The following DDX42 variants were observed in gnomAD, a reference collection of about 807,000 sequenced individuals.
DDX42 encodes the protein DEAD-box helicase 42.
Under a neutral mutation model 101.5 loss-of-function variants are expected in DDX42, and 22 were observed. The observed-to-expected ratio is 0.22, with a 90% CI of 0.15 to 0.31. The LOEUF (loss-of-function observed/expected upper bound fraction) is 0.31. Ranked by LOEUF, DDX42 falls within the 10% of genes least tolerant of loss-of-function variation. DDX42 has a pLI of 1.00. For synonymous variants in DDX42, 402 were observed against 401.2 expected (o/e 1.00, Z -0.02); for missense variants, 849 against 1,199.9 (o/e 0.71, Z 4.32).
At chr17:63,797,824 T>C (rs1193102965) in intron 3 of DDX42, among the ~76,000 whole-genome samples, 1 of 152,254 alleles carries the variant, frequency 6.6e-6, no homozygotes, top group Non-Finnish European at 1.5e-5. Flanking sequence ...TGGCACATTA[T>C]TACAGATAAA....
Position 63,811,258 on chromosome 17 carries a change from T to TA in DDX42, c.1398+95dup, listed in dbSNP as rs941826995. Reference sequence around the variant, plus strand: ...CAGAATTAATTTCTCACTATTGAGATAAAAAAAAAAGATGTTATGTTTATA... The same window carrying TA: ...CAGAATTAATTTCTCACTATTGAGATAAAAAAAAAAAGATGTTATGTTTATA... On this transcript the variant is annotated intron_variant, in intron 13 of 17. Transcript: ENST00000389924. 9.9e-3 allele frequency: 9,053 copies of TA among 915,470 alleles called. 4 individuals are homozygous for TA. The highest frequency in any genetic ancestry group is 0.018 in the African/African-American group (1,030 of 56,876). 56.7% of individuals were successfully genotyped at this position (915,470 alleles called of 1,614,324 possible). A position where few individuals can be genotyped will look rare whatever the true frequency, so the allele number is the denominator to read the frequency against.
rs1349914196 is a variant in DDX42, at chr17:63,810,566, T to C, written c.1300+6T>C. 3 of 1,614,060 alleles carry C rather than the reference T, an allele frequency of 1.9e-6. No individual in the cohort carries two copies. The highest frequency in any genetic ancestry group is 2.5e-6 in the Non-Finnish European group (3 of 1,179,982). ...TGTTCGTCCTGACAGGCAGAGTATGTATGAAGCACCTTTGTTAAACCAAAT... is the reference window on the plus strand; with the variant it reads ...TGTTCGTCCTGACAGGCAGAGTATGCATGAAGCACCTTTGTTAAACCAAAT... On this transcript the variant is annotated splice_donor_region_variant and intron_variant, in intron 12 of 17. Transcript: ENST00000389924.
intron 3 of DDX42, among the ~76,000 whole-genome samples, chr17:63,797,352 CAAAAA>C (rs59892636): frequency 2.0e-5 from 2 of 100,048 alleles, no homozygotes; most frequent in African/African-American, 3.7e-5. Context: ...AACTCCATCT[CAAAAA>C]AAAAAAAAAA....
rs183903319 is a variant in DDX42 at position 63,811,915 on chromosome 17, C to G, written c.1399-17C>G. On this transcript the variant is annotated splice_polypyrimidine_tract_variant and intron_variant, in intron 13 of 17. Coordinates refer to ENST00000389924, the MANE Select transcript of DDX42 (RefSeq NM_203499.3). ...GCTCCAATGTCACAATCATCTGTTTCATTTCTTCCTTCTCAGGCAAATGAA... is the reference window on the plus strand; with the variant it reads ...GCTCCAATGTCACAATCATCTGTTTGATTTCTTCCTTCTCAGGCAAATGAA... The G allele has an allele frequency of 3.0e-5, 49 of 1,614,178 alleles. 1 individual carries two copies. In the South Asian group the frequency reaches 3.8e-4, roughly 13 times the overall value.
In DDX42 at chr17:63,813,414, A is replaced by G. The variant is rs1184003986; in HGVS notation, c.1862A>G (p.Asn621Ser). Residue 621 changes from asparagine to serine, a missense_variant, in exon 15 of 18, where the codon AAT becomes AGT. Coordinates refer to ENST00000389924, the MANE Select transcript of DDX42 (RefSeq NM_203499.3). ...GDLVRNLEGA[N>S]QHVSKELLDL... Reference sequence around the variant, plus strand: ...CTGGTCCGGAACTTGGAAGGAGCCAATCAACACGTTTCTAAGGAACTCCTA... The same window carrying G: ...CTGGTCCGGAACTTGGAAGGAGCCAGTCAACACGTTTCTAAGGAACTCCTA... 4.3e-6 allele frequency: 7 copies of G among 1,614,158 alleles called. No homozygotes were observed. The highest frequency in any genetic ancestry group is 2.2e-5 in the East Asian group (1 of 44,874).
intron 6 of DDX42, among the ~76,000 whole-genome samples, 193 bp downstream of exon 6, chr17:63,800,810 A>G (rs1205688029): frequency 2.0e-5 from 3 of 152,230 alleles, no homozygotes; most frequent in African/African-American, 7.2e-5. Flanking sequence ...TAACCAAATC[A>G]CTTACATTTG....
At chr17:63,793,100 T>A (rs969157157) in intron 3 of DDX42, among the ~76,000 whole-genome samples, 4 of 152,208 alleles carry the variant, frequency 2.6e-5, no homozygotes, top group African/African-American at 9.6e-5. Context: ...GTTTTCTTGC[T>A]ATTTTTATTG....
intron 2 of DDX42, among the ~76,000 whole-genome samples, chr17:63,790,187 G>T (rs1205658825): frequency 6.6e-6 from 1 of 152,088 alleles, no homozygotes; most frequent in Non-Finnish European, 1.5e-5. Flanking sequence ...CTATATGAAT[G>T]AATATGCATG....
At position 63,809,616 on chromosome 17, in the gene DDX42, C is replaced by T; in HGVS notation, c.1209C>T (p.Tyr403=). The part of the protein sequence containing the change: ...KKATNLQRVS[Y]LVFDEADRMF... Reference sequence around the variant, plus strand: ...CTACCAATCTTCAAAGAGTCTCTTACCTTGTGTTTGATGAAGCAGATCGAA... The same window carrying T: ...CTACCAATCTTCAAAGAGTCTCTTATCTTGTGTTTGATGAAGCAGATCGAA... Residue 403 remains tyrosine (Y), a synonymous_variant, in exon 11 of 18, where the codon TAC becomes TAT. Coordinates refer to ENST00000389924, the MANE Select transcript of DDX42 (RefSeq NM_203499.3). The T allele has an allele frequency of 1.2e-6, 2 of 1,614,068 alleles. No individual in the cohort carries two copies. Among genetic ancestry groups the T allele is most frequent in the Non-Finnish European group, 1.7e-6 (2 of 1,179,984 alleles).
intron 1 of DDX42, among the ~76,000 whole-genome samples, chr17:63,785,959 CATAT>C (rs1379357620): frequency 6.6e-6 from 1 of 152,212 alleles, no homozygotes; most frequent in Non-Finnish European, 1.5e-5. Flanking sequence ...CTCAGTCTTT[CATAT>C]AAGGATGAAG....
At chr17:63,803,282 T>G (rs1479422419) in intron 6 of DDX42, among the ~76,000 whole-genome samples, 2 of 152,066 alleles carry the variant, frequency 1.3e-5, no homozygotes, top group South Asian at 4.1e-4. Flanking sequence ...CAAGTTTTAG[T>G]GTAAAATAAA....
chr17:63,813,568 G>A, intron 15 of DDX42, 114 bp downstream of exon 15: 1 of 877,244 alleles, frequency 1.1e-6, no homozygotes, highest in Non-Finnish European at 1.8e-6. Flanking sequence ...CTAGGAGGAT[G>A]TGGGGCTTAT....
chr17:63,774,279 A>G lies in DDX42; in HGVS notation c.-114A>G. The stretch of plus-strand genomic sequence containing the variant: ...GCGGCGAAGGGGGCGGAGAGGAAGG[A>G]GCGCGGCGGGACCGGGCCGGGACAG... On this transcript the variant is annotated 5_prime_UTR_variant, in exon 1 of 18. Transcript: ENST00000389924. 1 of 291,526 alleles carries G rather than the reference A, an allele frequency of 3.4e-6. No homozygotes were observed. 18.1% of individuals were successfully genotyped at this position (291,526 alleles called of 1,614,324 possible). A position where few individuals can be genotyped will look rare whatever the true frequency, so the allele number is the denominator to read the frequency against.
intron 1 of DDX42, among the ~76,000 whole-genome samples, chr17:63,783,036 G>A: frequency 6.6e-6 from 1 of 152,114 alleles, no homozygotes; most frequent in Non-Finnish European, 1.5e-5. Context: ...CTTCTTTAAT[G>A]CCTCTTTGAT....
rs2144557173 is a variant in DDX42 at position 63,797,338 on chromosome 17, G to A, written c.373-700G>A. Among the ~76,000 whole-genome samples the A allele has an allele frequency of 1.7e-5, 2 of 114,860 alleles. 1 individual carries two copies. Among genetic ancestry groups the A allele is most frequent in the East Asian group, 5.6e-4 (2 of 3,576 alleles). 75.4% of individuals were successfully genotyped at this position (114,860 alleles called of 152,430 possible). ...TTGCACTCCAGCCTGGGCAACGAGA[G>A]CGAAACTCCATCTCAAAAAAAAAAA... On this transcript the variant is annotated intron_variant, in intron 3 of 17. Coordinates refer to ENST00000389924, the MANE Select transcript of DDX42 (RefSeq NM_203499.3).
intron 1 of DDX42, among the ~76,000 whole-genome samples, chr17:63,781,606 T>C (rs2039488803): frequency 6.6e-6 from 1 of 152,134 alleles, no homozygotes; most frequent in Admixed American, 6.6e-5. Context: ...TGTCTCCCCT[T>C]CCTTCTTTCC....
chr17:63,777,596 C>T (rs1450605835), intron 1 of DDX42, among the ~76,000 whole-genome samples: 1 of 151,694 alleles, frequency 6.6e-6, no homozygotes, highest in African/African-American at 2.4e-5. Flanking sequence ...TACAGGTGCC[C>T]ACCACCACGC....
intron 6 of DDX42, among the ~76,000 whole-genome samples, chr17:63,802,244 T>G (rs1041486322): frequency 1.3e-5 from 2 of 152,194 alleles, no homozygotes; most frequent in Non-Finnish European, 2.9e-5. Flanking sequence ...ATTATTAAAG[T>G]CGTGACCCTT....
chr17:63,812,220 A>G lies in DDX42; in HGVS notation c.1675+12A>G. 6.2e-7 allele frequency: 1 copy of G among 1,606,174 alleles called. No individual in the cohort carries two copies. The highest frequency in any genetic ancestry group is 8.5e-7 in the Non-Finnish European group (1 of 1,175,694). ...CACAGATGTTGCAGGTAGAGTATGA[A>G]TTTTTCAACAACATTAAGTTCCTAG... is the stretch of plus-strand genomic sequence containing the variant. On this transcript the variant is annotated intron_variant, in intron 14 of 17. Transcript: ENST00000389924.
Sources: gnomAD v4.1 joint callset for allele counts (sites outside exome capture counted in the v4.1 genomes callset) on GRCh38, gnomAD v4.1.1 for gene constraint, MANE v1.5 for transcripts, NCBI Gene and HGNC (gene_info 2026-07-23, HGNC 2026-07-21) for gene names.